PTPN4: variants seen among roughly 807,000 people sequenced by gnomAD.
PTPN4 encodes protein tyrosine phosphatase non-receptor type 4.
PTPN4 carries 49 observed loss-of-function variants against 135.5 expected under a neutral mutation model. The observed-to-expected ratio is 0.36, with a 90% confidence interval of 0.29 to 0.46. The LOEUF is 0.46. Among genes scored for constraint, PTPN4 ranks in the 20% least tolerant of loss-of-function variants. The pLI is 1.00. For synonymous variants in PTPN4, 333 were observed against 369.9 expected, an observed-to-expected ratio of 0.90 and a Z score of 1.14; for missense variants, 860 against 1,101.0, an observed-to-expected ratio of 0.78 and a Z score of 3.10.
intron 13 of PTPN4, among the ~76,000 whole-genome samples, chr2:119,927,905 C>T (rs1678848845): frequency 6.6e-6 from 1 of 151,868 alleles, no homozygotes; most frequent in South Asian, 2.1e-4. Context: ...TTTTTTTCTT[C>T]CTCCTTCCAA....
In PTPN4 at chr2:119,949,198, C is replaced by G. The variant is rs530974847; in HGVS notation, c.1656+2624C>G. 2.0e-5 allele frequency among the ~76,000 whole-genome samples: 3 copies of G among 152,118 alleles called. No homozygotes were observed. In the East Asian group the frequency reaches 5.8e-4, roughly 29 times the overall value. ...CCCTTCTGCCATGTAGAACTATGTT[C>G]CATAAATATTGGCTGGAATTTAGAG... On this transcript the variant is annotated intron_variant, in intron 18 of 26. Coordinates refer to ENST00000263708, the MANE Select transcript of PTPN4 (RefSeq NM_002830.4).
At position 119,869,073 on chromosome 2, in the gene PTPN4, C is replaced by G. The variant is rs900689400; in HGVS notation, c.246+6430C>G. Among the ~76,000 whole-genome samples the G allele has an allele frequency of 2.0e-5, 3 of 152,066 alleles. 1 individual carries two copies. The highest frequency in any genetic ancestry group is 2.0e-4 in the Admixed American group (3 of 15,258). ...CACAGTAGTTTTATTCATAATAGCC[C>G]AAATGTGAATTAACTTTAATGTCCA... On this transcript the variant is annotated intron_variant, in intron 3 of 26. Transcript: ENST00000263708.
chr2:119,793,843 T>G (rs1691199049), intron 1 of PTPN4, among the ~76,000 whole-genome samples: 1 of 142,296 alleles, frequency 7.0e-6, no homozygotes, highest in Non-Finnish European at 1.5e-5. Flanking sequence ...TGTTTCATTT[T>G]TAGTTTTTTT....
chr2:119,830,802 C>T (rs769266026), intron 2 of PTPN4, among the ~76,000 whole-genome samples: 31 of 152,228 alleles, frequency 2.0e-4, no homozygotes, highest in Non-Finnish European at 3.5e-4. Context: ...ACATGAGACA[C>T]CTTGCTCTCT....
At chr2:119,788,156 T>A (rs1299190867) in intron 1 of PTPN4, among the ~76,000 whole-genome samples, 1 of 152,192 alleles carries the variant, frequency 6.6e-6, no homozygotes, top group Non-Finnish European at 1.5e-5. Flanking sequence ...TTTCTTTTTC[T>A]CCCCAGATTA....
chr2:119,804,690 T>C (rs1473133580), intron 1 of PTPN4, among the ~76,000 whole-genome samples: 1 of 152,222 alleles, frequency 6.6e-6, no homozygotes. Context: ...AGATGAACAT[T>C]TGGGTTGGTT....
At chr2:119,975,732 A>AG (rs1435336124) in intron 26 of PTPN4, among the ~76,000 whole-genome samples, 1 of 152,156 alleles carries the variant, frequency 6.6e-6, no homozygotes, top group Non-Finnish European at 1.5e-5. Context: ...CTAAAAAAAA[A>AG]TGTCCCTTCA....
In PTPN4 at chr2:119,967,882, C is replaced by G. The variant is rs1343702322; in HGVS notation, c.2604C>G (p.Ala868=). Reference sequence around the variant, plus strand: ...GGGTTCTTATTACTATGGAAACAGCCATGTGTCTCATTGAATGCAATCAGC... The same window carrying G: ...GGGTTCTTATTACTATGGAAACAGCGATGTGTCTCATTGAATGCAATCAGC... ...RTGVLITMET[A]MCLIECNQPV... Residue 868 remains alanine (A), a synonymous_variant, in exon 26 of 27, where the codon GCC becomes GCG. Coordinates refer to ENST00000263708, the MANE Select transcript of PTPN4 (RefSeq NM_002830.4). 6.2e-7 allele frequency: 1 copy of G among 1,611,310 alleles called. No homozygotes were observed. Among genetic ancestry groups the G allele is most frequent in the Non-Finnish European group, 8.5e-7 (1 of 1,178,238 alleles).
intron 15 of PTPN4, among the ~76,000 whole-genome samples, chr2:119,938,218 C>T (rs1477573317): frequency 6.7e-6 from 1 of 149,272 alleles, no homozygotes; most frequent in African/African-American, 2.5e-5. Context: ...AGCTCTACCT[C>T]CCGGGTTCAC....
chr2:119,771,205 C>T (rs1392364486), intron 1 of PTPN4, among the ~76,000 whole-genome samples: 1 of 152,156 alleles, frequency 6.6e-6, no homozygotes, highest in African/African-American at 2.4e-5. Context: ...CTTGGACTTT[C>T]CATCCCAGCC....
chr2:119,912,114 T>C (rs1481962016), intron 10 of PTPN4, among the ~76,000 whole-genome samples: 2 of 152,068 alleles, frequency 1.3e-5, no homozygotes, highest in African/African-American at 2.4e-5. Context: ...GGAGAAAAGA[T>C]TTAGTGAAAA....
At chr2:119,856,486 G>A (rs1486666809) in intron 2 of PTPN4, among the ~76,000 whole-genome samples, 1 of 152,166 alleles carries the variant, frequency 6.6e-6, no homozygotes, top group Non-Finnish European at 1.5e-5. Flanking sequence ...CCCATACTAT[G>A]TCCCATTTAT....
At chr2:119,903,089 A>G (rs975658218) in intron 10 of PTPN4, among the ~76,000 whole-genome samples, 1 of 152,144 alleles carries the variant, frequency 6.6e-6, no homozygotes, top group Non-Finnish European at 1.5e-5. Context: ...TCGAGACTGT[A>G]TCTCGTGCAG....
rs1285775271 is a variant in PTPN4, at chr2:119,979,716, A to T, written c.*2646A>T. The T allele has an allele frequency of 6.6e-6, 1 of 152,108 alleles. No homozygotes were observed. The highest frequency in any genetic ancestry group is 1.5e-5 in the Non-Finnish European group (1 of 67,976). The allele number at this position is 152,108 out of a possible 1,614,324, so 9.4% of individuals were successfully genotyped here. A position where few individuals can be genotyped will look rare whatever the true frequency, so the allele number is the denominator to read the frequency against. Reference sequence around the variant, plus strand: ...TATCAGTGTAACATTGTGTGATAAAATGCCAAATGTCTTGTATCTAAGCTA... The same window carrying T: ...TATCAGTGTAACATTGTGTGATAAATTGCCAAATGTCTTGTATCTAAGCTA... On this transcript the variant is annotated 3_prime_UTR_variant, in exon 27 of 27. Transcript: ENST00000263708.
Position 119,945,029 on chromosome 2 carries a change from C to T in PTPN4, c.1356-52C>T, listed in dbSNP as rs1679112212. The T allele has an allele frequency of 2.6e-6, 4 of 1,520,504 alleles. No individual in the cohort carries two copies. In the East Asian group the frequency reaches 7.4e-5, roughly 28 times the overall value. 94.2% of individuals were successfully genotyped at this position (1,520,504 alleles called of 1,614,324 possible). On this transcript the variant is annotated intron_variant, in intron 15 of 26. Coordinates refer to ENST00000263708, the MANE Select transcript of PTPN4 (RefSeq NM_002830.4). The stretch of plus-strand genomic sequence containing the variant: ...TTGTAAATATGTGGGTTGCTTGACC[C>T]TAACTTTTAAAAAAGTTATGAAACA...
chr2:119,900,676 A>G (rs1401932098), intron 9 of PTPN4, 42 bp from the exon 10 acceptor site: 2 of 1,242,248 alleles, frequency 1.6e-6, no homozygotes, highest in Non-Finnish European at 1.1e-6. Flanking sequence ...AACAAAGCCC[A>G]TAAATTTAGA....
intron 1 of PTPN4, among the ~76,000 whole-genome samples, chr2:119,774,709 G>A (rs1690798780): frequency 6.6e-6 from 1 of 152,004 alleles, no homozygotes; most frequent in Non-Finnish European, 1.5e-5. Flanking sequence ...AGAGGCAACA[G>A]ATGAGTTCCT....
intron 11 of PTPN4, among the ~76,000 whole-genome samples, chr2:119,918,873 CATT>C (rs923197754): frequency 1.3e-5 from 2 of 152,080 alleles, no homozygotes; most frequent in African/African-American, 4.8e-5. Context: ...CTGTTAAATT[CATT>C]ATAATAGAGT....
chr2:119,771,857 C>G (rs925014365), intron 1 of PTPN4, among the ~76,000 whole-genome samples: 1 of 152,148 alleles, frequency 6.6e-6, no homozygotes, highest in Non-Finnish European at 1.5e-5. Context: ...TTGTAGTAGT[C>G]TTTTTAAGTG....
Sources: allele counts gnomAD v4.1 joint callset (sites outside exome capture counted in the v4.1 genomes callset), GRCh38; gene constraint gnomAD v4.1.1; transcripts MANE v1.5; gene names NCBI Gene and HGNC (gene_info 2026-07-23, HGNC 2026-07-21).